Variants in RASGRF2 observed in about 807,000 individuals in gnomAD.
RASGRF2 encodes Ras protein specific guanine nucleotide releasing factor 2.
RASGRF2 carries 76 observed loss-of-function variants against 151.0 expected under a neutral mutation model. The ratio of observed to expected loss-of-function variants is 0.50; its 90% CI spans 0.42 to 0.61. The LOEUF (loss-of-function observed/expected upper bound fraction) is 0.61, where lower values mean the gene tolerates loss of function less well. Among genes scored for constraint, RASGRF2 ranks in the 20% least tolerant of loss-of-function variants. The pLI, the probability that RASGRF2 is intolerant of heterozygous loss-of-function variation, is 0.00. For missense variants in RASGRF2, 1,148 were observed against 1,564.6 expected (o/e 0.73, Z 4.49); for synonymous variants, 504 against 566.5 (o/e 0.89, Z 1.57).
chr5:81,203,861 CAGTAGTTCCTGGAAAA>C (rs1755448817), intron 19 of RASGRF2, among the ~76,000 whole-genome samples: 2 of 152,362 alleles, frequency 1.3e-5, no homozygotes, highest in South Asian at 4.1e-4. Flanking sequence ...GAAGCACTGA[CAGTAGTTCCTGGAAAA>C]AGTAGTTTCT....
At chr5:81,153,614 A>G (rs1754186607) in intron 17 of RASGRF2, among the ~76,000 whole-genome samples, 1 of 152,260 alleles carries the variant, frequency 6.6e-6, no homozygotes, top group Non-Finnish European at 1.5e-5. Context: ...ATGTTGTTTT[A>G]AACCACTAAA....
intron 14 of RASGRF2, 139 bp from the exon 15 acceptor site, chr5:81,113,399 A>G (rs1474005868): frequency 3.0e-6 from 3 of 1,008,126 alleles, no homozygotes; most frequent in Non-Finnish European, 2.9e-6. Flanking sequence ...TACATGTAGC[A>G]TTTAGATTAA....
chr5:81,167,752 A>C lies in RASGRF2; in HGVS notation c.2687-12423A>C, dbSNP rs138004537. 1.6e-4 allele frequency among the ~76,000 whole-genome samples: 24 copies of C among 152,256 alleles called. No individual in the cohort carries two copies. The East Asian group carries it at 4.1e-3, about 26-fold the overall frequency. On this transcript the variant is annotated intron_variant, in intron 17 of 26. Transcript: ENST00000265080. ...TCCCCTGGCAAGTTCTGATGGAAAG[A>C]TCAAAGGTGGGGAGTAGGAGCAACG...
chr5:81,165,869 G>T (rs562794671), intron 17 of RASGRF2, among the ~76,000 whole-genome samples: 9 of 147,800 alleles, frequency 6.1e-5, no homozygotes, highest in Non-Finnish European at 1.2e-4. Flanking sequence ...CCTTCTATAA[G>T]CCCTGGGACT....
At chr5:80,977,037 C>T (rs983323571) in intron 1 of RASGRF2, among the ~76,000 whole-genome samples, 1 of 152,126 alleles carries the variant, frequency 6.6e-6, no homozygotes, top group African/African-American at 2.4e-5. Context: ...TGGCAAGGTT[C>T]ACCTATTTGG....
rs181444758 is a variant in RASGRF2 at position 81,149,723 on chromosome 5, C to T, written c.2686+22560C>T. On this transcript the variant is annotated intron_variant, in intron 17 of 26. Coordinates refer to ENST00000265080, the MANE Select transcript of RASGRF2 (RefSeq NM_006909.3). ...CCTCTCATTCTCAAAGACTGGCTGC[C>T]CTGTCACATTGTTCTTTCTAAACAG... Among the ~76,000 whole-genome samples the T allele has an allele frequency of 1.4e-3, 218 of 152,202 alleles. 2 individuals are homozygous for T. Among genetic ancestry groups the T allele is most frequent in the African/African-American group, 5.0e-3 (207 of 41,536 alleles).
At chr5:81,184,686 G>C (rs1199179498) in intron 18 of RASGRF2, among the ~76,000 whole-genome samples, 5 of 152,188 alleles carry the variant, frequency 3.3e-5, no homozygotes, top group Non-Finnish European at 2.9e-5. Context: ...TAAAACATGA[G>C]ATCAGACAAA....
intron 12 of RASGRF2, among the ~76,000 whole-genome samples, chr5:81,102,446 G>A (rs1334585106): frequency 6.6e-6 from 1 of 152,180 alleles, no homozygotes; most frequent in East Asian, 1.9e-4. Flanking sequence ...TGTAATCCCA[G>A]CACTTTGGGA....
chr5:81,073,723 A>G (rs977853436), intron 5 of RASGRF2, among the ~76,000 whole-genome samples: 1 of 151,948 alleles, frequency 6.6e-6, no homozygotes, highest in Admixed American at 6.5e-5. Context: ...GGTTCACGCC[A>G]TCCTCCTGCC....
intron 1 of RASGRF2, among the ~76,000 whole-genome samples, chr5:81,016,200 A>G (rs1038544051): frequency 6.6e-6 from 1 of 152,256 alleles, no homozygotes; most frequent in African/African-American, 2.4e-5. Flanking sequence ...CAAGAGAAAG[A>G]CAAAAACTTG....
In RASGRF2 at chr5:81,226,248, T is replaced by C. The variant is rs1383293302; in HGVS notation, c.*478T>C. 1 of 153,002 alleles carries C rather than the reference T, an allele frequency of 6.5e-6. No individual in the cohort carries two copies. The highest frequency in any genetic ancestry group is 2.1e-4 in the South Asian group (1 of 4,848). 9.5% of individuals were successfully genotyped at this position (153,002 alleles called of 1,614,324 possible). A position where few individuals can be genotyped will look rare whatever the true frequency, so the allele number is the denominator to read the frequency against. ...GCTTCACAGAAAAGCTGACACTTCC[T>C]CTACAGAGATGGACCAAAACATAAG... On this transcript the variant is annotated 3_prime_UTR_variant, in exon 27 of 27. Transcript: ENST00000265080.
At chr5:81,059,032 C>T (rs1364750644) in intron 2 of RASGRF2, among the ~76,000 whole-genome samples, 1 of 152,130 alleles carries the variant, frequency 6.6e-6, no homozygotes. Flanking sequence ...CCCTTCTCCT[C>T]TTGTGCTCCA....
chr5:80,974,089 T>C (rs1029832715), intron 1 of RASGRF2, among the ~76,000 whole-genome samples: 1 of 152,196 alleles, frequency 6.6e-6, no homozygotes, highest in African/African-American at 2.4e-5. Flanking sequence ...AAGTCTGTCA[T>C]TCATTGGTAG....
rs1747509124 is a variant in RASGRF2, at chr5:80,960,555, C to T, written c.-184C>T. 4.7e-6 allele frequency: 2 copies of T among 424,702 alleles called. No homozygotes were observed. The highest frequency in any genetic ancestry group is 9.7e-5 in the Admixed American group (2 of 20,702). 26.3% of individuals were successfully genotyped at this position (424,702 alleles called of 1,614,324 possible). A position where few individuals can be genotyped will look rare whatever the true frequency, so the allele number is the denominator to read the frequency against. On this transcript the variant is annotated 5_prime_UTR_variant, in exon 1 of 27. Coordinates refer to ENST00000265080, the MANE Select transcript of RASGRF2 (RefSeq NM_006909.3). The surrounding 1 kb of genome is among the most constrained non-coding windows in gnomAD (Gnocchi z 5.5). ...AGCGTGCCTCGGCCCCAGCCCGCGC[C>T]CCTGCCACCGCGCGCCGCGGCCTCC...
In RASGRF2 at chr5:80,991,357, G is replaced by A. The variant is rs959489893; in HGVS notation, c.288+30331G>A. 2.6e-5 allele frequency among the ~76,000 whole-genome samples: 4 copies of A among 152,084 alleles called. No individual in the cohort carries two copies. In the South Asian group the frequency reaches 8.3e-4, roughly 32 times the overall value. ...GGAGGATCATTTGAGCCCAGGCGGTGGATGTTGCAGTGAGCTGAGATGGTG... is the reference window on the plus strand; with the variant it reads ...GGAGGATCATTTGAGCCCAGGCGGTAGATGTTGCAGTGAGCTGAGATGGTG... On this transcript the variant is annotated intron_variant, in intron 1 of 26. Transcript: ENST00000265080.
intron 12 of RASGRF2, among the ~76,000 whole-genome samples, chr5:81,107,954 A>C (rs1752889524): frequency 6.6e-6 from 1 of 152,256 alleles, no homozygotes; most frequent in Non-Finnish European, 1.5e-5. Flanking sequence ...TTAAGGAAAA[A>C]CAAGTATGAA....
chr5:81,046,935 A>C (rs939647043), intron 2 of RASGRF2, among the ~76,000 whole-genome samples: 5 of 152,188 alleles, frequency 3.3e-5, no homozygotes, highest in African/African-American at 4.8e-5. Flanking sequence ...ACTAAGCCTA[A>C]TACCCACAGG....
chr5:81,008,946 T>C (rs1182252151), intron 1 of RASGRF2, among the ~76,000 whole-genome samples: 1 of 152,332 alleles, frequency 6.6e-6, no homozygotes, highest in East Asian at 1.9e-4. Context: ...TCTCAGCAAG[T>C]AGAACTTCAA....
At chr5:81,198,728 C>T (rs1755324359) in intron 18 of RASGRF2, among the ~76,000 whole-genome samples, 4 of 152,194 alleles carry the variant, frequency 2.6e-5, no homozygotes, top group South Asian at 2.1e-4. Flanking sequence ...CGTGAGCCAC[C>T]GCACCTGGCC....
Sources: allele counts gnomAD v4.1 joint callset (sites outside exome capture counted in the v4.1 genomes callset), GRCh38; gene constraint gnomAD v4.1.1; non-coding constraint Gnocchi (gnomAD v3.1); transcripts MANE v1.5; gene names NCBI Gene and HGNC (gene_info 2026-07-23, HGNC 2026-07-21).